FRMPD3: variants seen among roughly 807,000 people sequenced by gnomAD.
FRMPD3 encodes the protein FERM and PDZ domain-containing protein 3.
A neutral mutation model predicts 97.9 loss-of-function variants in FRMPD3; 42 were observed. The observed-to-expected ratio is 0.43, with a 90% confidence interval of 0.34 to 0.55. The LOEUF (loss-of-function observed/expected upper bound fraction) is 0.55, where lower values mean the gene tolerates loss of function less well. Ranked by LOEUF, FRMPD3 falls within the 20% of genes least tolerant of loss-of-function variation. The pLI is 0.03. For missense variants in FRMPD3, 1,303 were observed against 1,457.7 expected (o/e 0.89, Z 1.73); for synonymous variants, 577 against 581.1 (o/e 0.99, Z 0.10).
At chrX:107,587,405 T>G (rs2147632086) in intron 13 of FRMPD3, among the ~76,000 whole-genome samples, 1 of 111,778 alleles carries the variant, frequency 8.9e-6, no homozygotes, top group East Asian at 2.8e-4. Context: ...CTTTATCCAA[T>G]TTGCCAGTCT....
At chrX:107,538,325 G>A (rs1356912317) in intron 4 of FRMPD3, among the ~76,000 whole-genome samples, 1 of 109,941 alleles carries the variant, frequency 9.1e-6, no homozygotes, top group Non-Finnish European at 1.9e-5. Flanking sequence ...TAGCTATACT[G>A]AAAGCTTCTT....
chrX:107,463,431 A>G lies in FRMPD3; in HGVS notation c.-8+13426A>G, dbSNP rs187310071. On this transcript the variant is annotated intron_variant, in intron 1 of 14. Transcript: ENST00000683843. Reference sequence around the variant, plus strand: ...TACTAAGTTACTTAACCTCTCTGAGACCCAGTTCCTTTATCTGCAAAATAC... The same window carrying G: ...TACTAAGTTACTTAACCTCTCTGAGGCCCAGTTCCTTTATCTGCAAAATAC... Among the ~76,000 whole-genome samples the G allele has an allele frequency of 2.8e-3, 318 of 112,413 alleles. 1 individual carries two copies. The highest frequency in any genetic ancestry group is 9.7e-3 in the African/African-American group (299 of 30,931).
intron 4 of FRMPD3, among the ~76,000 whole-genome samples, chrX:107,533,773 G>A (rs1331465075): frequency 8.9e-6 from 1 of 112,195 alleles, no homozygotes; most frequent in Non-Finnish European, 1.9e-5. Context: ...GTTCTGTCCT[G>A]TGCCTTCTTC....
chrX:107,532,748 T>G (rs7882870), intron 3 of FRMPD3, among the ~76,000 whole-genome samples: 11,161 of 111,900 alleles, frequency 0.1, 1,255 homozygotes, highest in African/African-American at 0.33. Flanking sequence ...TTAAATGACT[T>G]TGTTCACATA....
Position 107,600,600 on chromosome X carries a change from C to G in FRMPD3, c.2561C>G (p.Pro854Arg), listed in dbSNP as rs751767042. The stretch of plus-strand genomic sequence containing the variant: ...GCCACAGGCCAGAGTCCTGGCCCCC[C>G]TGGCGCTCGGAGGAAGCTGCCCCAG... ...PIATGQSPGP[P>R]GARRKLPQSE... The change falls in exon 15 of 15, where the codon CCT becomes CGT. Residue 854 changes from proline to arginine, a missense_variant. This residue lies in a region of FRMPD3 where 764 missense variants were observed against 820.2 expected (regional missense o/e 0.93). Coordinates refer to ENST00000683843, the MANE Select transcript of FRMPD3 (RefSeq NM_001388459.1). 3.9e-5 allele frequency: 47 copies of G among 1,208,561 alleles called. No individual in the cohort carries two copies. In the African/African-American group the frequency reaches 7.3e-4, roughly 19 times the overall value.
chrX:107,496,219 T>C (rs1307188717), intron 1 of FRMPD3, among the ~76,000 whole-genome samples: 1 of 112,145 alleles, frequency 8.9e-6, no homozygotes, highest in African/African-American at 3.2e-5. Flanking sequence ...GTGTATGGAT[T>C]TGCATCCCTC....
chrX:107,464,358 T>TATTTA lies in FRMPD3; in HGVS notation c.-8+14353_-8+14354insATTTA, dbSNP rs202112223. 1.9e-3 allele frequency among the ~76,000 whole-genome samples: 206 copies of TATTTA among 109,548 alleles called. 1 individual carries two copies. Among genetic ancestry groups the TATTTA allele is most frequent in the African/African-American group, 6.8e-3 (196 of 28,945 alleles). On this transcript the variant is annotated intron_variant, in intron 1 of 14. Coordinates refer to ENST00000683843, the MANE Select transcript of FRMPD3 (RefSeq NM_001388459.1). ...ATTTTATTTCATTTATTTATTTATT[T>TATTTA]TGTTTTTTTTTGCTAAATCTACCCA...
In FRMPD3 at chrX:107,563,217, T is replaced by C. The variant is rs754110673; in HGVS notation, c.1116+17T>C. ...GTAGGCCTGGTCAGTGGCGCAGGAT[T>C]GGGGGATGTGGGGAGGGAGCCCCTT... is the stretch of plus-strand genomic sequence containing the variant. On this transcript the variant is annotated intron_variant, in intron 11 of 14. Coordinates refer to ENST00000683843, the MANE Select transcript of FRMPD3 (RefSeq NM_001388459.1). 3.4e-6 allele frequency: 4 copies of C among 1,165,213 alleles called. No homozygotes were observed. In the Admixed American group the frequency reaches 8.9e-5, roughly 26 times the overall value.
chrX:107,524,800 C>A (rs1317103586), intron 1 of FRMPD3, among the ~76,000 whole-genome samples: 1 of 110,473 alleles, frequency 9.1e-6, no homozygotes, highest in Non-Finnish European at 1.9e-5. Context: ...CAAGACCAGC[C>A]TGGCCAACAC....
At chrX:107,481,980 C>A (rs1457503760) in intron 1 of FRMPD3, among the ~76,000 whole-genome samples, 1 of 111,449 alleles carries the variant, frequency 9.0e-6, no homozygotes, top group East Asian at 2.8e-4. Flanking sequence ...GGGACTTAAC[C>A]AAGGCTACCC....
chrX:107,472,024 T>C (rs1463827694), intron 1 of FRMPD3, among the ~76,000 whole-genome samples: 1 of 112,408 alleles, frequency 8.9e-6, no homozygotes, highest in East Asian at 2.8e-4. Flanking sequence ...CTCATTGTGG[T>C]TTTGATTTGC....
intron 8 of FRMPD3, 55 bp downstream of exon 8, chrX:107,554,559 G>T: frequency 8.5e-7 from 1 of 1,169,677 alleles, no homozygotes; most frequent in African/African-American, 1.8e-5. Context: ...AAGCAGGCAG[G>T]CTGTTCTGCC....
intron 13 of FRMPD3, among the ~76,000 whole-genome samples, chrX:107,593,179 A>T (rs1456166452): frequency 1.6e-4 from 18 of 110,985 alleles, no homozygotes; most frequent in Admixed American, 4.8e-4. Flanking sequence ...ATGCTCGGCC[A>T]TTTGTATACC....
chrX:107,487,532 T>G (rs906153028), intron 1 of FRMPD3, among the ~76,000 whole-genome samples: 2 of 111,505 alleles, frequency 1.8e-5, no homozygotes, highest in African/African-American at 3.3e-5. Context: ...AATCCATGCT[T>G]TCCTAGATCT....
At chrX:107,575,670 C>T (rs928082158) in intron 12 of FRMPD3, among the ~76,000 whole-genome samples, 3 of 111,879 alleles carry the variant, frequency 2.7e-5, no homozygotes, top group Non-Finnish European at 3.8e-5. Flanking sequence ...AGGCTGGTCT[C>T]GAACCCCTGA....
intron 1 of FRMPD3, among the ~76,000 whole-genome samples, chrX:107,510,911 G>A (rs1425893790): frequency 8.9e-6 from 1 of 112,360 alleles, no homozygotes; most frequent in Non-Finnish European, 1.9e-5. Context: ...GGAGTCAGGG[G>A]TTGCTCCCTC....
chrX:107,515,284 C>T (rs779176443), intron 1 of FRMPD3, among the ~76,000 whole-genome samples: 5 of 111,269 alleles, frequency 4.5e-5, no homozygotes, highest in Admixed American at 1.9e-4. Context: ...GAGAAACCCA[C>T]GAAGGAGACT....
At chrX:107,582,303 C>A (rs1923430900) in intron 13 of FRMPD3, among the ~76,000 whole-genome samples, 1 of 111,204 alleles carries the variant, frequency 9.0e-6, no homozygotes, top group African/African-American at 3.3e-5. Context: ...CCTGCCTCAG[C>A]CTTCTGAGTA....
In FRMPD3 at chrX:107,489,456, T is replaced by C. The variant is rs1345342532; in HGVS notation, c.-7-37126T>C. Among the ~76,000 whole-genome samples, 5 of 111,774 alleles carry C rather than the reference T, an allele frequency of 4.5e-5. No homozygotes were observed. In the East Asian group the frequency reaches 1.4e-3, roughly 32 times the overall value. ...AAAGAGTTTACAGTCCCACCAACAG[T>C]GTAAAAGTGTTCCTATTTCTCCACA... On this transcript the variant is annotated intron_variant, in intron 1 of 14. Transcript: ENST00000683843.
Sources: allele counts gnomAD v4.1 joint callset (sites outside exome capture counted in the v4.1 genomes callset), GRCh38; gene constraint gnomAD v4.1.1; regional missense constraint gnomAD v4.1.1; transcripts MANE v1.5; gene names NCBI Gene and HGNC (gene_info 2026-07-23, HGNC 2026-07-21).